The following KIF26B variants were observed in gnomAD, a reference collection of about 807,000 sequenced individuals.
The protein encoded by KIF26B is kinesin family member 26B, also known as kinesin-like protein KIF26B.
A neutral mutation model predicts 151.2 loss-of-function variants in KIF26B; 63 were observed. The ratio of observed to expected loss-of-function variants is 0.42; its 90% CI spans 0.34 to 0.51. The LOEUF (loss-of-function observed/expected upper bound fraction) is 0.51, where lower values mean the gene tolerates loss of function less well. KIF26B is among the 20% of genes least tolerant of loss of function. The probability of loss-of-function intolerance (pLI) is 0.07; values close to 1 mark genes in which losing one functional copy is unlikely to be tolerated. For synonymous variants in KIF26B, 1,357 were observed against 1,262.1 expected (o/e 1.08, Z -1.59); for missense variants, 2,813 against 2,913.6 (o/e 0.97, Z 0.79).
intron 5 of KIF26B, among the ~76,000 whole-genome samples, chr1:245,550,441 G>C (rs1378159825): frequency 6.6e-6 from 1 of 152,222 alleles, no homozygotes; most frequent in Non-Finnish European, 1.5e-5. Flanking sequence ...GCTGCTCCCA[G>C]GCCGACCCTG....
Position 245,667,855 on chromosome 1 carries a change from A to C in KIF26B, c.2259-16378A>C, listed in dbSNP as rs149598272. ...GCATGAGTAGCATGAGTCAGATGTGATTAATTCCTAATTCCTTAGCTGCTT... is the reference window on the plus strand; with the variant it reads ...GCATGAGTAGCATGAGTCAGATGTGCTTAATTCCTAATTCCTTAGCTGCTT... On this transcript the variant is annotated intron_variant, in intron 10 of 14. Transcript: ENST00000407071. This position sits in a 1 kb window ranked among gnomAD's most constrained non-coding sequence, Gnocchi z 4.3. Among the ~76,000 whole-genome samples, 4 of 152,284 alleles carry C rather than the reference A, an allele frequency of 2.6e-5. No individual in the cohort carries two copies. Among genetic ancestry groups the C allele is most frequent in the Non-Finnish European group, 5.9e-5 (4 of 68,026 alleles).
intron 5 of KIF26B, among the ~76,000 whole-genome samples, chr1:245,600,972 G>A (rs1185680389): frequency 1.2e-4 from 18 of 152,128 alleles, no homozygotes; most frequent in Admixed American, 1.1e-3. Flanking sequence ...CAGTGATGTG[G>A]GGCAAGTTAT....
rs1397758511 is a variant in KIF26B, at chr1:245,375,028, A to G, written c.999+7661A>G. Among the ~76,000 whole-genome samples, 1 of 152,200 alleles carries G rather than the reference A, an allele frequency of 6.6e-6. No homozygotes were observed. Reference sequence around the variant, plus strand: ...GTGGATGTGTTACCTTACATGGTAAAAGGGCCTCAGCAGATGTGATTAAGC... The same window carrying G: ...GTGGATGTGTTACCTTACATGGTAAGAGGGCCTCAGCAGATGTGATTAAGC... On this transcript the variant is annotated intron_variant, in intron 3 of 14. Coordinates refer to ENST00000407071, the MANE Select transcript of KIF26B (RefSeq NM_018012.4). The surrounding 1 kb of genome is among the most constrained non-coding windows in gnomAD (Gnocchi z 4.2).
At chr1:245,659,161 C>T (rs555666852) in intron 10 of KIF26B, among the ~76,000 whole-genome samples, 1 of 152,244 alleles carries the variant, frequency 6.6e-6, no homozygotes, top group African/African-American at 2.4e-5. Context: ...TTGCGTGAGC[C>T]TGGGAGGTTG....
intron 2 of KIF26B, among the ~76,000 whole-genome samples, chr1:245,364,673 G>T (rs1198038102): frequency 6.6e-6 from 1 of 152,038 alleles, no homozygotes; most frequent in East Asian, 1.9e-4. Context: ...GCCTGCCTCG[G>T]CCTCCCAAAG....
chr1:245,414,552 C>A (rs921466249), intron 3 of KIF26B, among the ~76,000 whole-genome samples: 1 of 152,184 alleles, frequency 6.6e-6, no homozygotes, highest in Non-Finnish European at 1.5e-5. Context: ...TTCAGCTCCT[C>A]CTCCTCCCCA....
At chr1:245,504,342 C>T (rs1480074695) in intron 4 of KIF26B, among the ~76,000 whole-genome samples, 1 of 89,536 alleles carries the variant, frequency 1.1e-5, no homozygotes, top group Non-Finnish European at 2.5e-5. Context: ...TTCCCTCCTT[C>T]CCTCCCTCCC....
rs113344439 is a variant in KIF26B at position 245,381,687 on chromosome 1, T to C, written c.999+14320T>C. Reference sequence around the variant, plus strand: ...CCATCCACCTCCAGAATACTCTGCATCTCCCCAAACTGCAACTCCACACCC... The same window carrying C: ...CCATCCACCTCCAGAATACTCTGCACCTCCCCAAACTGCAACTCCACACCC... On this transcript the variant is annotated intron_variant, in intron 3 of 14. Coordinates refer to ENST00000407071, the MANE Select transcript of KIF26B (RefSeq NM_018012.4). Among the ~76,000 whole-genome samples the C allele has an allele frequency of 1.8e-3, 271 of 152,206 alleles. 1 individual carries two copies. The highest frequency in any genetic ancestry group is 1.7e-3 in the Non-Finnish European group (116 of 67,998).
chr1:245,231,562 A>G (rs1669998548), intron 2 of KIF26B, among the ~76,000 whole-genome samples: 1 of 152,164 alleles, frequency 6.6e-6, no homozygotes, highest in Non-Finnish European at 1.5e-5. Flanking sequence ...TTATGGAAAA[A>G]AGAAGATGTG....
chr1:245,390,753 A>G (rs1673665225), intron 3 of KIF26B, among the ~76,000 whole-genome samples: 1 of 151,808 alleles, frequency 6.6e-6, no homozygotes, highest in Admixed American at 6.6e-5. Flanking sequence ...ACTTAAAGGA[A>G]AATAACTAAT....
intron 4 of KIF26B, among the ~76,000 whole-genome samples, chr1:245,458,307 C>T (rs1659582193): frequency 6.6e-6 from 1 of 152,190 alleles, no homozygotes; most frequent in African/African-American, 2.4e-5. Flanking sequence ...GATATAAAGG[C>T]AGCGGCTATT....
rs936759125 is a variant in KIF26B at position 245,490,442 on chromosome 1, C to G, written c.1167-50325C>G. On this transcript the variant is annotated intron_variant, in intron 4 of 14. Coordinates refer to ENST00000407071, the MANE Select transcript of KIF26B (RefSeq NM_018012.4). ...TTCTCCTGCCTCAGCCTCTTGAGTA[C>G]CTGGGACTACAGGCGCACACCACCA... Among the ~76,000 whole-genome samples the G allele has an allele frequency of 1.1e-4, 16 of 151,244 alleles. 1 individual carries two copies. Among genetic ancestry groups the G allele is most frequent in the African/African-American group, 3.9e-4 (16 of 41,202 alleles).
chr1:245,273,760 C>A (rs1277403151), intron 2 of KIF26B, among the ~76,000 whole-genome samples: 7 of 152,086 alleles, frequency 4.6e-5, no homozygotes, highest in African/African-American at 1.7e-4. Flanking sequence ...GTTTTTAAAT[C>A]CAAAATGAGT....
chr1:245,689,117 C>A (rs2044586739), intron 12 of KIF26B, among the ~76,000 whole-genome samples: 1 of 152,200 alleles, frequency 6.6e-6, no homozygotes, highest in African/African-American at 2.4e-5. Context: ...GCCGTGAATC[C>A]CTTGGCGCTC....
At chr1:245,163,117 T>A (rs1172246114) in intron 2 of KIF26B, among the ~76,000 whole-genome samples, 1 of 152,206 alleles carries the variant, frequency 6.6e-6, no homozygotes, top group Non-Finnish European at 1.5e-5. Context: ...ACCATTGTCA[T>A]AAATCAAATT....
intron 5 of KIF26B, among the ~76,000 whole-genome samples, chr1:245,579,092 A>G (rs1375757923): frequency 6.6e-6 from 1 of 152,210 alleles, no homozygotes; most frequent in Non-Finnish European, 1.5e-5. Context: ...TTTTGAATGA[A>G]TGAACAGTAG....
At chr1:245,438,056 A>C (rs1320414768) in intron 4 of KIF26B, among the ~76,000 whole-genome samples, 1 of 152,202 alleles carries the variant, frequency 6.6e-6, no homozygotes, top group Non-Finnish European at 1.5e-5. Context: ...GCATCAGAAG[A>C]CCAAAACACA....
At chr1:245,532,466 C>G (rs925518957) in intron 4 of KIF26B, among the ~76,000 whole-genome samples, 30 of 151,816 alleles carry the variant, frequency 2.0e-4, no homozygotes, top group African/African-American at 7.3e-4. Flanking sequence ...AGGATGGTCT[C>G]GATCTCCCGA....
At chr1:245,434,017 C>A (rs1269468633) in intron 4 of KIF26B, among the ~76,000 whole-genome samples, 2 of 151,948 alleles carry the variant, frequency 1.3e-5, no homozygotes, top group African/African-American at 4.8e-5. Context: ...AAATATAAAC[C>A]ATTACTCAAA....
Sources: allele counts gnomAD v4.1 joint callset (sites outside exome capture counted in the v4.1 genomes callset), GRCh38; gene constraint gnomAD v4.1.1; non-coding constraint Gnocchi (gnomAD v3.1); transcripts MANE v1.5; gene names NCBI Gene and HGNC (gene_info 2026-07-23, HGNC 2026-07-21).